Variants in EXOC6B observed in about 807,000 individuals in gnomAD.
The protein encoded by EXOC6B is SEC15 homolog B.
Under a neutral mutation model 113.5 loss-of-function variants are expected in EXOC6B, and 54 were observed. The ratio of observed to expected loss-of-function variants is 0.48; its 90% CI spans 0.38 to 0.60. EXOC6B has a LOEUF of 0.60. EXOC6B is among the 20% of genes least tolerant of loss of function. EXOC6B has a pLI of 0.00. For synonymous variants in EXOC6B, 357 were observed against 339.0 expected (o/e 1.05, Z -0.58); for missense variants, 797 against 977.5 (o/e 0.82, Z 2.46).
At chr2:72,706,858 G>A (rs1678914166) in intron 6 of EXOC6B, among the ~76,000 whole-genome samples, 1 of 152,238 alleles carries the variant, frequency 6.6e-6, no homozygotes, top group East Asian at 1.9e-4. Context: ...GACTTCCAAG[G>A]CTAGGTCAAA....
chr2:72,538,628 G>A (rs1702432261), intron 8 of EXOC6B, among the ~76,000 whole-genome samples: 2 of 152,110 alleles, frequency 1.3e-5, no homozygotes, highest in African/African-American at 2.4e-5. Context: ...TACCACATTA[G>A]ATAGCACAGC....
intron 6 of EXOC6B, among the ~76,000 whole-genome samples, chr2:72,657,098 G>A (rs1001475291): frequency 3.9e-5 from 6 of 151,998 alleles, no homozygotes; most frequent in East Asian, 3.9e-4. Flanking sequence ...TGATCCGACC[G>A]CCTTGGCCTC....
chr2:72,797,869 T>C (rs1006336765), intron 1 of EXOC6B, among the ~76,000 whole-genome samples: 6 of 152,058 alleles, frequency 3.9e-5, no homozygotes, highest in Non-Finnish European at 8.8e-5. Flanking sequence ...TGAAGAATTT[T>C]GTTTCATCCC....
chr2:72,496,621 G>A, intron 13 of EXOC6B, 62 bp from the exon 14 acceptor site: 1 of 914,210 alleles, frequency 1.1e-6, no homozygotes, highest in Non-Finnish European at 1.8e-6. Flanking sequence ...GGTAGGGGAG[G>A]GGAACAGAGG....
chr2:72,733,004 A>C (rs750389984), intron 3 of EXOC6B, 67 bp downstream of exon 3: 174 of 1,082,284 alleles, frequency 1.6e-4, no homozygotes, highest in Middle Eastern at 5.9e-4. Flanking sequence ...CTAAATGAAT[A>C]ACATAGTCAT....
intron 1 of EXOC6B, among the ~76,000 whole-genome samples, chr2:72,769,204 C>G (rs532841648): frequency 2.0e-4 from 30 of 152,070 alleles, no homozygotes; most frequent in Non-Finnish European, 3.5e-4. Flanking sequence ...AAAAGAAATG[C>G]TAAAGGGAGT....
intron 18 of EXOC6B, chr2:72,463,919 T>C (rs889436761): frequency 6.6e-6 from 1 of 152,152 alleles, no homozygotes; most frequent in African/African-American, 2.4e-5. Context: ...TATTTCCTAG[T>C]GCGAAATAAA....
intron 6 of EXOC6B, among the ~76,000 whole-genome samples, chr2:72,700,730 G>A (rs982472444): frequency 2.6e-5 from 4 of 152,192 alleles, no homozygotes; most frequent in Admixed American, 6.5e-5. Context: ...TTGGGAGACC[G>A]AAGCAGGCAG....
chr2:72,484,859 A>AT (rs1250974080), intron 16 of EXOC6B, among the ~76,000 whole-genome samples: 1 of 152,176 alleles, frequency 6.6e-6, no homozygotes, highest in Non-Finnish European at 1.5e-5. Flanking sequence ...ATTGATGGGC[A>AT]TTTGGGTTGG....
intron 6 of EXOC6B, among the ~76,000 whole-genome samples, chr2:72,672,514 T>G (rs372053155): frequency 7.8e-6 from 1 of 128,640 alleles, no homozygotes; most frequent in African/African-American, 3.0e-5. Flanking sequence ...GCCACTGCAC[T>G]CCAGCCTGGG....
At chr2:72,802,813 C>T (rs1267884894) in intron 1 of EXOC6B, among the ~76,000 whole-genome samples, 1 of 152,092 alleles carries the variant, frequency 6.6e-6, no homozygotes, top group African/African-American at 2.4e-5. Flanking sequence ...AAGTGTGGTA[C>T]CTGAACCAGT....
chr2:72,182,115 T>C (rs1678124962), intron 21 of EXOC6B, among the ~76,000 whole-genome samples: 1 of 152,182 alleles, frequency 6.6e-6, no homozygotes, highest in Non-Finnish European at 1.5e-5. Flanking sequence ...ATACGGATTG[T>C]AGTGATCTGG....
chr2:72,210,529 C>T (rs1680123754), intron 20 of EXOC6B, among the ~76,000 whole-genome samples: 1 of 152,116 alleles, frequency 6.6e-6, no homozygotes, highest in South Asian at 2.1e-4. Context: ...AATGAACTGC[C>T]CCCTCTCCTG....
intron 18 of EXOC6B, among the ~76,000 whole-genome samples, chr2:72,448,610 T>C (rs1303017302): frequency 6.6e-6 from 1 of 152,050 alleles, no homozygotes; most frequent in Admixed American, 6.6e-5. Flanking sequence ...GCAACTAAAA[T>C]AACAAGTTAT....
intron 20 of EXOC6B, among the ~76,000 whole-genome samples, chr2:72,252,016 T>C (rs1384821152): frequency 1.3e-5 from 2 of 152,188 alleles, no homozygotes; most frequent in Non-Finnish European, 2.9e-5. Context: ...CCTTTGTGTA[T>C]ACTCAAGGGC....
intron 6 of EXOC6B, among the ~76,000 whole-genome samples, chr2:72,591,638 T>A (rs913797651): frequency 6.6e-6 from 1 of 152,166 alleles, no homozygotes; most frequent in African/African-American, 2.4e-5. Flanking sequence ...AACTTCTGTT[T>A]CCAGTTTTAA....
chr2:72,620,875 T>C (rs1204565242), intron 6 of EXOC6B, among the ~76,000 whole-genome samples: 3 of 151,906 alleles, frequency 2.0e-5, no homozygotes, highest in African/African-American at 7.3e-5. Context: ...AGAAGAAATA[T>C]AAGCAACCAA....
intron 7 of EXOC6B, among the ~76,000 whole-genome samples, chr2:72,566,013 T>G (rs1045965727): frequency 7.1e-6 from 1 of 140,930 alleles, no homozygotes; most frequent in Non-Finnish European, 1.5e-5. Flanking sequence ...TTTTGTTTTG[T>G]TTTTTTTTTT....
intron 20 of EXOC6B, among the ~76,000 whole-genome samples, chr2:72,317,112 T>C (rs1002078699): frequency 4.0e-5 from 6 of 151,730 alleles, no homozygotes; most frequent in African/African-American, 1.5e-4. Context: ...AGAGAGCTCT[T>C]AGGCTTTTTA....
Sources: allele counts gnomAD v4.1 joint callset (sites outside exome capture counted in the v4.1 genomes callset), GRCh38; gene constraint gnomAD v4.1.1; transcripts MANE v1.5; gene names NCBI Gene and HGNC (gene_info 2026-07-23, HGNC 2026-07-21).